Variants in RPN1 observed in about 807,000 individuals in gnomAD.
RPN1 encodes the protein ribophorin I.
A neutral mutation model predicts 55.5 loss-of-function variants in RPN1; 12 were observed. The ratio of observed to expected loss-of-function variants is 0.22; its 90% confidence interval spans 0.14 to 0.35. The LOEUF is 0.35. Ranked by LOEUF, RPN1 falls within the 10% of genes least tolerant of loss-of-function variation. The pLI is 1.00. For missense variants in RPN1, 679 were observed against 761.3 expected, an observed-to-expected ratio of 0.89 and a Z score of 1.27; for synonymous variants, 317 against 305.9, an observed-to-expected ratio of 1.04 and a Z score of -0.38.
At chr3:128,644,724 C>A (rs556668600) in intron 2 of RPN1, 195 bp downstream of exon 2, 2 of 652,100 alleles carry the variant, frequency 3.1e-6, no homozygotes, top group Non-Finnish European at 5.6e-6. Context: ...TTTGAGAGGC[C>A]AAGGTAGAAG....
chr3:128,629,477 G>T lies in RPN1; in HGVS notation c.1036+474C>A, dbSNP rs60288283. The stretch of plus-strand genomic sequence containing the variant: ...CTCAGGAGGCTGAGGCAGGAGAATC[G>T]CTTGAACCAGGAGGTGGAGGTTGCA... On this transcript the variant is annotated intron_variant, in intron 5 of 9. Coordinates refer to ENST00000296255, the MANE Select transcript of RPN1 (RefSeq NM_002950.4). Among the ~76,000 whole-genome samples the T allele has an allele frequency of 2.1e-4, 32 of 152,122 alleles. No individual in the cohort carries two copies. In the South Asian group the frequency reaches 6.4e-3, roughly 31 times the overall value.
At chr3:128,629,659 T>C (rs1180963397) in intron 5 of RPN1, among the ~76,000 whole-genome samples, 1 of 152,222 alleles carries the variant, frequency 6.6e-6, no homozygotes, top group African/African-American at 2.4e-5. Flanking sequence ...CTCTGAATTT[T>C]CATTTTTTAA....
chr3:128,634,571 T>C (rs2069663579), intron 3 of RPN1, among the ~76,000 whole-genome samples: 1 of 151,464 alleles, frequency 6.6e-6, no homozygotes, highest in Admixed American at 6.6e-5. Context: ...ACCTTTTTTT[T>C]TTTTTTTTTG....
intron 3 of RPN1, among the ~76,000 whole-genome samples, chr3:128,632,499 G>A (rs946052584): frequency 1.3e-5 from 2 of 152,088 alleles, no homozygotes. Flanking sequence ...ATCCCCATTT[G>A]ACAAATAAAA....
chr3:128,631,985 T>C lies in RPN1; in HGVS notation c.806A>G (p.Gln269Arg). ...GATGGAGGATATTCCACTATCTGGCTGTCTCTGGTAATCATAGCGTGAGAA... is the reference window on the plus strand; with the variant it reads ...GATGGAGGATATTCCACTATCTGGCCGTCTCTGGTAATCATAGCGTGAGAA... ...GPFSRYDYQRQPDSGISSIRS... is the reference protein window; with the variant it reads ...GPFSRYDYQRRPDSGISSIRS... Residue 269 changes from glutamine (Q) to arginine (R), a missense_variant, in exon 4 of 10, where the codon CAG (glutamine) becomes CGG (arginine). Physicochemically the swap from Gln to Arg is conservative, Grantham distance 43. Transcript: ENST00000296255. 3 of 1,614,228 alleles carry C rather than the reference T, an allele frequency of 1.9e-6. No homozygotes were observed. The highest frequency in any genetic ancestry group is 2.5e-6 in the Non-Finnish European group (3 of 1,180,044).
chr3:128,632,920 C>G (rs2069651836), intron 3 of RPN1, among the ~76,000 whole-genome samples: 1 of 152,094 alleles, frequency 6.6e-6, no homozygotes. Flanking sequence ...CCCGATTTCA[C>G]TCTTCTATGT....
chr3:128,625,694 G>C (rs914794136), intron 7 of RPN1, 41 bp from the exon 8 acceptor site: 1 of 1,612,676 alleles, frequency 6.2e-7, no homozygotes, highest in African/African-American at 1.3e-5. Flanking sequence ...GGGCTGTAGG[G>C]ACATGGGAGC....
chr3:128,622,936 A>G (rs1449999340), intron 8 of RPN1, among the ~76,000 whole-genome samples: 2 of 151,954 alleles, frequency 1.3e-5, no homozygotes, highest in Non-Finnish European at 2.9e-5. Flanking sequence ...ATTTCACTTC[A>G]CAGTCCAGTA....
At chr3:128,627,092 A>C (rs13073159) in intron 5 of RPN1, 2 of 446,364 alleles carry the variant, frequency 4.5e-6, no homozygotes, top group Non-Finnish European at 8.3e-6. Context: ...CAGAGAGAAG[A>C]AACAGGGCAA....
Position 128,626,783 on chromosome 3 carries a change from T to C in RPN1, c.1086A>G (p.Glu362=). The C allele has an allele frequency of 6.2e-7, 1 of 1,614,134 alleles. No individual in the cohort carries two copies. Among genetic ancestry groups the C allele is most frequent in the Non-Finnish European group, 8.5e-7 (1 of 1,180,036 alleles). ...KMRFVDHVFD[E]QVIDSLTVKI... The stretch of plus-strand genomic sequence containing the variant: ...TCACAGTCAGAGAATCTATCACTTG[T>C]TCATCAAACACATGGTCCACAAACC... Residue 362 remains glutamate, a synonymous_variant, in exon 6 of 10, where the codon GAA becomes GAG. Coordinates refer to ENST00000296255, the MANE Select transcript of RPN1 (RefSeq NM_002950.4).
At chr3:128,643,350 T>C (rs1277064344) in intron 2 of RPN1, among the ~76,000 whole-genome samples, 1 of 139,336 alleles carries the variant, frequency 7.2e-6, no homozygotes, top group African/African-American at 2.7e-5. Flanking sequence ...AAAACAAAGA[T>C]AGGTAGGATC....
chr3:128,640,688 G>A (rs916986779), intron 2 of RPN1, among the ~76,000 whole-genome samples: 2 of 152,170 alleles, frequency 1.3e-5, no homozygotes, highest in Middle Eastern at 3.4e-3. Flanking sequence ...TAGAAACCCA[G>A]GCATCTTCTG....
intron 4 of RPN1, among the ~76,000 whole-genome samples, chr3:128,631,225 G>A (rs1182849281): frequency 2.0e-5 from 3 of 152,120 alleles, no homozygotes; most frequent in Admixed American, 2.0e-4. Context: ...TGTAATCCCA[G>A]CACTTTGGGA....
chr3:128,639,325 G>A (rs1484889951), intron 2 of RPN1, among the ~76,000 whole-genome samples: 1 of 151,196 alleles, frequency 6.6e-6, no homozygotes, highest in African/African-American at 2.4e-5. Flanking sequence ...GTTGTGGCGG[G>A]CACCTGTAGT....
At position 128,620,310 on chromosome 3, in the gene RPN1, A is replaced by T. The variant is rs994371424; in HGVS notation, c.*101T>A. The T allele has an allele frequency of 1.8e-6, 2 of 1,103,068 alleles. No individual in the cohort carries two copies. Among genetic ancestry groups the T allele is most frequent in the Admixed American group, 2.7e-5 (1 of 36,750 alleles). 68.3% of individuals were successfully genotyped at this position (1,103,068 alleles called of 1,614,324 possible). On this transcript the variant is annotated 3_prime_UTR_variant, in exon 10 of 10. Coordinates refer to ENST00000296255, the MANE Select transcript of RPN1 (RefSeq NM_002950.4). ...TCCTTGAAGGCCTTTTACAGATGTC[A>T]GCTTTCACTGGCCTCCATGCACAAC...
At chr3:128,635,622 T>C (rs1331181819) in intron 3 of RPN1, among the ~76,000 whole-genome samples, 8 of 26,646 alleles carry the variant, frequency 3.0e-4, no homozygotes, top group Non-Finnish European at 5.5e-4. Context: ...GATATATATA[T>C]ATATATATAT....
intron 5 of RPN1, chr3:128,627,199 A>T (rs547606649): frequency 3.6e-6 from 1 of 273,982 alleles, no homozygotes; most frequent in Non-Finnish European, 7.3e-6. Context: ...AACTCGGAGC[A>T]GTTGTGCCCT....
intron 3 of RPN1, among the ~76,000 whole-genome samples, chr3:128,635,591 G>A (rs2069670732): frequency 6.8e-6 from 1 of 147,166 alleles, no homozygotes; most frequent in Admixed American, 6.8e-5. Context: ...GTGAGCCAGT[G>A]CGCCTGCCCC....
Position 128,644,976 on chromosome 3 carries a change from C to A in RPN1, c.269G>T (p.Gly90Val). ...CAAATTGTTCTCTTCCTCATCTTCT[C>A]CCTTTACCTACAACAGAAAAAGATA... ...RLAHLGVQVK[G>V]EDEEENNLEV... Residue 90 changes from glycine (G) to valine (V), a missense_variant, in exon 2 of 10, where the codon GGA (glycine) becomes GTA (valine). By Grantham distance (109) the Gly-to-Val change is moderately radical. Coordinates refer to ENST00000296255, the MANE Select transcript of RPN1 (RefSeq NM_002950.4). 6.4e-7 allele frequency: 1 copy of A among 1,562,502 alleles called. No individual in the cohort carries two copies. Among genetic ancestry groups the A allele is most frequent in the South Asian group, 1.1e-5 (1 of 89,886 alleles).
Sources: gnomAD v4.1 joint callset for allele counts (sites outside exome capture counted in the v4.1 genomes callset) on GRCh38, gnomAD v4.1.1 for gene constraint, MANE v1.5 for transcripts, NCBI Gene and HGNC (gene_info 2026-07-23, HGNC 2026-07-21) for gene names.